The following CEMIP2 variants were observed in gnomAD, a reference collection of about 807,000 sequenced individuals.
The protein encoded by CEMIP2 is cell migration inducing hyaluronidase 2.
CEMIP2 carries 79 observed loss-of-function variants against 146.9 expected under a neutral mutation model. The ratio of observed to expected loss-of-function variants is 0.54; its 90% CI spans 0.45 to 0.65. The LOEUF (loss-of-function observed/expected upper bound fraction) is 0.65, where lower values mean the gene tolerates loss of function less well. Ranked by LOEUF, CEMIP2 falls within the 30% of genes least tolerant of loss-of-function variation. The pLI, the probability that CEMIP2 is intolerant of heterozygous loss-of-function variation, is 0.00. For missense variants in CEMIP2, 1,596 were observed against 1,696.2 expected (o/e 0.94, Z 1.04); for synonymous variants, 601 against 606.3 (o/e 0.99, Z 0.13).
chr9:71,730,905 T>C lies in CEMIP2; in HGVS notation c.1573A>G (p.Asn525Asp). Residue 525 changes from asparagine to aspartate, a missense_variant, in exon 8 of 24, where the codon AAT becomes GAT. Physicochemically the swap from Asn to Asp is conservative, Grantham distance 23 (BLOSUM62 1). Transcript: ENST00000377044. ...TAAGAAAGATGGACTGAAGTAAAAT[T>C]TTTCATTATCTGTAAGTCAAGGTAC... ...TFGGHIMIMK[N>D]FTSVHLSYVE... The C allele has an allele frequency of 1.9e-6, 3 of 1,614,118 alleles. No individual in the cohort carries two copies. The highest frequency in any genetic ancestry group is 2.5e-6 in the Non-Finnish European group (3 of 1,180,000).
intron 1 of CEMIP2, among the ~76,000 whole-genome samples, chr9:71,755,961 CAAAAAAAAAAA>C (rs55972127): frequency 7.6e-5 from 4 of 52,892 alleles, no homozygotes; most frequent in Non-Finnish European, 1.1e-4. Context: ...CTCTGTCTCA[CAAAAAAAAAAA>C]AAAAAAAAAA....
intron 14 of CEMIP2, among the ~76,000 whole-genome samples, chr9:71,715,648 A>ATATATATATAT (rs967444649): frequency 2.2e-4 from 29 of 134,196 alleles, no homozygotes; most frequent in Middle Eastern, 3.7e-3. Context: ...ATATATATAT[A>ATATATATATAT]CTTTTTTTTT....
In CEMIP2 at chr9:71,690,090, A is replaced by C. The variant is rs980650494; in HGVS notation, c.3851+2T>G. 1 of 1,613,936 alleles carries C rather than the reference A, an allele frequency of 6.2e-7. No homozygotes were observed. Among genetic ancestry groups the C allele is most frequent in the Admixed American group, 1.7e-5 (1 of 59,994 alleles). ...CCCTGTTACAGCACAAGCTTGACCT[A>C]CCTTGGAGGGATGCCTGTTTTTAAA... On this transcript the variant is annotated splice_donor_variant, in intron 22 of 23. Transcript: ENST00000377044. LOFTEE classifies it high-confidence loss of function.
intron 5 of CEMIP2, among the ~76,000 whole-genome samples, chr9:71,739,826 C>T (rs901552823): frequency 1.3e-5 from 2 of 152,110 alleles, no homozygotes; most frequent in Admixed American, 6.5e-5. Context: ...TGGCCCAAGA[C>T]AATTCTTCTT....
At chr9:71,727,975 C>G (rs541208553) in intron 10 of CEMIP2, among the ~76,000 whole-genome samples, 4 of 151,758 alleles carry the variant, frequency 2.6e-5, no homozygotes, top group Admixed American at 2.6e-4. Context: ...GCAGGAGAAT[C>G]GCTTGAACCC....
intron 14 of CEMIP2, among the ~76,000 whole-genome samples, chr9:71,716,006 C>T (rs1302546966): frequency 6.6e-6 from 1 of 152,018 alleles, no homozygotes; most frequent in African/African-American, 2.4e-5. Flanking sequence ...GCTCTAGTCT[C>T]AAGCAATAAC....
intron 18 of CEMIP2, among the ~76,000 whole-genome samples, chr9:71,703,781 AG>A (rs1042119229): frequency 9.2e-5 from 14 of 152,210 alleles, no homozygotes; most frequent in Admixed American, 7.2e-4. Flanking sequence ...TTCCCCCAGG[AG>A]AACTGGCCCT....
chr9:71,693,561 C>T (rs548432447), intron 21 of CEMIP2, among the ~76,000 whole-genome samples: 51 of 152,244 alleles, frequency 3.3e-4, no homozygotes, highest in African/African-American at 1.0e-3. Flanking sequence ...AATCTTGAAG[C>T]TTATTTTAAG....
intron 18 of CEMIP2, 49 bp from the exon 19 acceptor site, chr9:71,700,873 T>C: frequency 6.5e-7 from 1 of 1,530,334 alleles, no homozygotes; most frequent in Non-Finnish European, 8.8e-7. Flanking sequence ...AGCCATTATC[T>C]GTTAAGTACT....
At chr9:71,736,713 G>A (rs1339748521) in intron 5 of CEMIP2, among the ~76,000 whole-genome samples, 1 of 152,116 alleles carries the variant, frequency 6.6e-6, no homozygotes, top group Non-Finnish European at 1.5e-5. Context: ...GATATAATCT[G>A]TCATAAATCA....
At chr9:71,763,554 A>G (rs188317798) in intron 1 of CEMIP2, among the ~76,000 whole-genome samples, 1 of 152,350 alleles carries the variant, frequency 6.6e-6, no homozygotes, top group Admixed American at 6.5e-5. Context: ...GAATGCCACA[A>G]TCTCTACCAG....
chr9:71,690,001 T>TA, intron 22 of CEMIP2, 91 bp downstream of exon 22: 1 of 1,492,918 alleles, frequency 6.7e-7, no homozygotes, highest in South Asian at 1.3e-5. Context: ...GTCCAGAGAG[T>TA]AAAAAATCGG....
chr9:71,740,876 AC>A lies in CEMIP2; in HGVS notation c.1035-645del, dbSNP rs1286425733. Reference sequence around the variant, plus strand: ...CAAACTTCAGTACGCATCAGGATCAACAGAAGAAAGGAAGGGCATGCTGAAT... The same window carrying A: ...CAAACTTCAGTACGCATCAGGATCAAAGAAGAAAGGAAGGGCATGCTGAAT... On this transcript the variant is annotated intron_variant, in intron 4 of 23. Transcript: ENST00000377044. Among the ~76,000 whole-genome samples the A allele has an allele frequency of 1.1e-4, 16 of 152,354 alleles. No individual in the cohort carries two copies. The South Asian group carries it at 2.3e-3, about 22-fold the overall frequency.
At chr9:71,698,234 T>G in intron 19 of CEMIP2, 30 bp from the exon 20 acceptor site, 1 of 1,593,264 alleles carries the variant, frequency 6.3e-7, no homozygotes, top group South Asian at 1.1e-5. Flanking sequence ...ATCCATGTAG[T>G]TAGACTTATT....
intron 18 of CEMIP2, 50 bp from the exon 19 acceptor site, chr9:71,700,874 G>A (rs1395189556): frequency 3.3e-6 from 5 of 1,528,786 alleles, no homozygotes; most frequent in Non-Finnish European, 4.4e-6. Flanking sequence ...GCCATTATCT[G>A]TTAAGTACTA....
intron 7 of CEMIP2, 144 bp downstream of exon 7, chr9:71,732,207 T>C: frequency 1.2e-6 from 1 of 819,416 alleles, no homozygotes; most frequent in Non-Finnish European, 1.8e-6. Flanking sequence ...TTTAATCATC[T>C]AAAACCTCCT....
chr9:71,749,913 C>T, intron 2 of CEMIP2, 130 bp downstream of exon 2: 1 of 685,924 alleles, frequency 1.5e-6, no homozygotes, highest in Non-Finnish European at 2.4e-6. Context: ...TAAGAAGTGA[C>T]ACCTCGTATT....
chr9:71,740,535 C>T (rs1020139074), intron 4 of CEMIP2, among the ~76,000 whole-genome samples: 3 of 152,172 alleles, frequency 2.0e-5, no homozygotes, highest in African/African-American at 7.2e-5. Context: ...ACATAACATT[C>T]TGGCCAAAAT....
rs779312032 is a variant in CEMIP2, at chr9:71,698,086, AGTTACT to A, written c.3490_3495del (p.Ser1164_Asn1165del). 3 of 1,614,188 alleles carry A rather than the reference AGTTACT, an allele frequency of 1.9e-6. No homozygotes were observed. The highest frequency in any genetic ancestry group is 2.5e-6 in the Non-Finnish European group (3 of 1,180,026). ...TACTGTGGGTATGCTTTGGCCATGC[AGTTACT>A]GATGTCCTTTGAGTCTGTGGCTGCT... is the stretch of plus-strand genomic sequence containing the variant. On this transcript the variant is annotated inframe_deletion, in exon 20 of 24. Coordinates refer to ENST00000377044, the MANE Select transcript of CEMIP2 (RefSeq NM_013390.3).
Sources: gnomAD v4.1 joint callset for allele counts (sites outside exome capture counted in the v4.1 genomes callset) on GRCh38, gnomAD v4.1.1 for gene constraint, MANE v1.5 for transcripts, NCBI Gene and HGNC (gene_info 2026-07-23, HGNC 2026-07-21) for gene names.